Variants in ULK4 observed in about 807,000 individuals in gnomAD.
ULK4 encodes the protein inactive serine/threonine-protein kinase ULK4.
Under a neutral mutation model 160.6 loss-of-function variants are expected in ULK4, and 133 were observed. The observed-to-expected ratio is 0.83, with a 90% CI of 0.72 to 0.96. The LOEUF (loss-of-function observed/expected upper bound fraction) is 0.96. Among genes scored for constraint, ULK4 ranks in the 40% least tolerant of loss-of-function variants. The probability of loss-of-function intolerance (pLI) is 0.00; values close to 1 mark genes in which losing one functional copy is unlikely to be tolerated. For synonymous variants in ULK4, 534 were observed against 539.8 expected (o/e 0.99, Z 0.15); for missense variants, 1,580 against 1,499.5 (o/e 1.05, Z -0.89).
intron 32 of ULK4, among the ~76,000 whole-genome samples, chr3:41,536,927 T>C (rs1396228565): frequency 6.6e-6 from 1 of 152,224 alleles, no homozygotes; most frequent in Non-Finnish European, 1.5e-5. Context: ...ACCATTTGCT[T>C]TAGTTTCAGT....
At chr3:41,329,460 T>C (rs962990050) in intron 35 of ULK4, among the ~76,000 whole-genome samples, 36 of 152,350 alleles carry the variant, frequency 2.4e-4, no homozygotes, top group Admixed American at 3.9e-4. Context: ...GTTCAATACA[T>C]ATATACATGG....
chr3:41,287,706 T>A (rs2079488854), intron 35 of ULK4, among the ~76,000 whole-genome samples: 1 of 152,198 alleles, frequency 6.6e-6, no homozygotes, highest in African/African-American at 2.4e-5. Flanking sequence ...TCACGGAAGC[T>A]GAGATTTCCT....
At chr3:41,666,480 C>T (rs1191011338) in intron 29 of ULK4, among the ~76,000 whole-genome samples, 1 of 152,152 alleles carries the variant, frequency 6.6e-6, no homozygotes, top group African/African-American at 2.4e-5. Flanking sequence ...CTGAGAGGCA[C>T]TGTCATTAAA....
At chr3:41,847,769 T>TA (rs2042105916) in intron 17 of ULK4, among the ~76,000 whole-genome samples, 1 of 152,324 alleles carries the variant, frequency 6.6e-6, no homozygotes, top group South Asian at 2.1e-4. Flanking sequence ...TATTAAATCT[T>TA]AGATTCCTTT....
At chr3:41,873,881 GT>G (rs767683719) in intron 17 of ULK4, among the ~76,000 whole-genome samples, 52 of 113,456 alleles carry the variant, frequency 4.6e-4, no homozygotes, top group Non-Finnish European at 4.8e-4. Context: ...GGTTTTTTTT[GT>G]TTTTTTTTTT....
At chr3:41,303,565 T>C (rs1012966024) in intron 35 of ULK4, among the ~76,000 whole-genome samples, 1 of 152,164 alleles carries the variant, frequency 6.6e-6, no homozygotes, top group Non-Finnish European at 1.5e-5. Flanking sequence ...CAATCAACTT[T>C]TGATTATTCA....
At position 41,663,700 on chromosome 3, in the gene ULK4, C is replaced by A; in HGVS notation, c.2979-1G>T. 2 of 1,612,980 alleles carry A rather than the reference C, an allele frequency of 1.2e-6. No homozygotes were observed. Among genetic ancestry groups the A allele is most frequent in the Non-Finnish European group, 1.7e-6 (2 of 1,179,164 alleles). ...AGGTTCTAAAAGAATGTGCTCATACCTGAAATGGTAAAGACATTTAAAAAA... is the reference window on the plus strand; with the variant it reads ...AGGTTCTAAAAGAATGTGCTCATACATGAAATGGTAAAGACATTTAAAAAA... On this transcript the variant is annotated splice_acceptor_variant, in intron 29 of 36. Coordinates refer to ENST00000301831, the MANE Select transcript of ULK4 (RefSeq NM_017886.4). LOFTEE classifies it high-confidence loss of function.
chr3:41,671,164 G>C (rs1205620991), intron 29 of ULK4, among the ~76,000 whole-genome samples: 1 of 151,986 alleles, frequency 6.6e-6, no homozygotes, highest in African/African-American at 2.4e-5. Context: ...ACTGCCCAAA[G>C]CAATCTACAG....
At chr3:41,577,816 C>T (rs2088247984) in intron 31 of ULK4, among the ~76,000 whole-genome samples, 1 of 152,164 alleles carries the variant, frequency 6.6e-6, no homozygotes, top group Non-Finnish European at 1.5e-5. Flanking sequence ...CACATCAGGG[C>T]TTATAGAGTC....
chr3:41,825,621 A>C (rs2041318678), intron 18 of ULK4, among the ~76,000 whole-genome samples: 1 of 152,212 alleles, frequency 6.6e-6, no homozygotes, highest in African/African-American at 2.4e-5. Context: ...AAAAAATAAA[A>C]AGAAATGAAA....
At chr3:41,293,490 C>T (rs2079612820) in intron 35 of ULK4, among the ~76,000 whole-genome samples, 2 of 152,132 alleles carry the variant, frequency 1.3e-5, no homozygotes, top group African/African-American at 4.8e-5. Context: ...GACTCACCAT[C>T]AAATGGAGAA....
chr3:41,476,632 C>T (rs953088986), intron 32 of ULK4, among the ~76,000 whole-genome samples: 2 of 151,864 alleles, frequency 1.3e-5, no homozygotes, highest in Admixed American at 1.3e-4. Flanking sequence ...TTTTTCCTCT[C>T]TTTTCTCTCC....
At chr3:41,602,080 C>T (rs867241834) in intron 31 of ULK4, among the ~76,000 whole-genome samples, 5 of 152,068 alleles carry the variant, frequency 3.3e-5, no homozygotes, top group Middle Eastern at 3.4e-3. Flanking sequence ...CCTATAATCC[C>T]AGCCACTAAA....
intron 34 of ULK4, among the ~76,000 whole-genome samples, chr3:41,407,786 C>T (rs2082323722): frequency 6.6e-6 from 1 of 152,132 alleles, no homozygotes; most frequent in African/African-American, 2.4e-5. Flanking sequence ...CTCCCTTCCC[C>T]TAAGATCATG....
intron 30 of ULK4, among the ~76,000 whole-genome samples, chr3:41,640,608 G>A (rs1255597691): frequency 6.6e-6 from 1 of 152,020 alleles, no homozygotes; most frequent in African/African-American, 2.4e-5. Flanking sequence ...GAGAATCACT[G>A]CCCCAAATTT....
At chr3:41,279,233 A>AT (rs2079294586) in intron 35 of ULK4, among the ~76,000 whole-genome samples, 1 of 149,610 alleles carries the variant, frequency 6.7e-6, no homozygotes, top group Non-Finnish European at 1.5e-5. Flanking sequence ...AAGTATAAAG[A>AT]AAAGATTAGA....
rs564259971 is a variant in ULK4 at position 41,917,561 on chromosome 3, T to C, written c.727+896A>G. On this transcript the variant is annotated intron_variant, in intron 7 of 36. Coordinates refer to ENST00000301831, the MANE Select transcript of ULK4 (RefSeq NM_017886.4). The stretch of plus-strand genomic sequence containing the variant: ...CTTTAACAATGTATAGCAAAATGTT[T>C]TACTACACTTGTGCCTTCTTTTGTT... Among the ~76,000 whole-genome samples the C allele has an allele frequency of 6.6e-5, 10 of 152,310 alleles. No individual in the cohort carries two copies. The South Asian group carries it at 2.1e-3, about 32-fold the overall frequency.
At chr3:41,780,554 TCTC>T (rs995291914) in intron 21 of ULK4, among the ~76,000 whole-genome samples, 5 of 151,902 alleles carry the variant, frequency 3.3e-5, no homozygotes, top group Admixed American at 6.6e-5. Flanking sequence ...TTGATGCTCT[TCTC>T]CTGCTGGAGT....
chr3:41,947,319 C>T (rs1700142800), intron 2 of ULK4, among the ~76,000 whole-genome samples: 1 of 152,046 alleles, frequency 6.6e-6, no homozygotes, highest in Admixed American at 6.6e-5. Flanking sequence ...ATTATGACAC[C>T]TGAAAGTGTG....
Sources: gnomAD v4.1 joint callset for allele counts (sites outside exome capture counted in the v4.1 genomes callset) on GRCh38, gnomAD v4.1.1 for gene constraint, MANE v1.5 for transcripts, NCBI Gene and HGNC (gene_info 2026-07-23, HGNC 2026-07-21) for gene names.